Variants in COA1 observed in about 807,000 individuals in gnomAD.
COA1 encodes cytochrome c oxidase assembly factor 1, also known as cytochrome c oxidase assembly factor 1 homolog.
A neutral mutation model predicts 16.0 loss-of-function variants in COA1; 13 were observed. The ratio of observed to expected loss-of-function variants is 0.81; its 90% CI spans 0.53 to 1.29. COA1 has a LOEUF of 1.29. Among genes scored for constraint, COA1 ranks in the 50% most tolerant of loss-of-function variants. The pLI, the probability that COA1 is intolerant of heterozygous loss-of-function variation, is 0.00. For missense variants in COA1, 179 were observed against 177.0 expected, an observed-to-expected ratio of 1.01 and a Z score of -0.06; for synonymous variants, 65 against 65.7, an observed-to-expected ratio of 0.99 and a Z score of 0.05.
chr7:43,680,884 TG>T (rs1418512054), intron 1 of COA1, among the ~76,000 whole-genome samples: 1 of 152,070 alleles, frequency 6.6e-6, no homozygotes, highest in Non-Finnish European at 1.5e-5. Context: ...GATGGGAAGA[TG>T]GTTTAAGCCC....
chr7:43,729,049 T>C (rs899961377), intron 1 of COA1, among the ~76,000 whole-genome samples: 1 of 152,196 alleles, frequency 6.6e-6, no homozygotes, highest in African/African-American at 2.4e-5. Flanking sequence ...TTTCCTACAA[T>C]AATTTGGGCA....
chr7:43,615,148 G>A (rs1458799329), intron 6 of COA1, among the ~76,000 whole-genome samples: 2 of 152,084 alleles, frequency 1.3e-5, no homozygotes, highest in South Asian at 2.1e-4. Flanking sequence ...AAGACATTTT[G>A]TGGTTACTAT....
intron 1 of COA1, among the ~76,000 whole-genome samples, chr7:43,675,518 T>G (rs2093473671): frequency 1.3e-5 from 2 of 152,032 alleles, no homozygotes; most frequent in South Asian, 4.2e-4. Context: ...AGTTAATGGG[T>G]GCAGCACACC....
intron 1 of COA1, among the ~76,000 whole-genome samples, chr7:43,727,402 C>G (rs2095638488): frequency 6.6e-6 from 1 of 152,164 alleles, no homozygotes. Context: ...ATGATGTCCA[C>G]ACAAAAACTT....
intron 2 of COA1, 63 bp from the exon 3 acceptor site, chr7:43,647,697 C>T (rs2240516): frequency 0.58 from 760,200 of 1,307,274 alleles, 221,853 homozygotes; most frequent in Middle Eastern, 0.68. Flanking sequence ...GGGATTTGCC[C>T]GGCTTGGACC....
chr7:43,658,236 C>T (rs915240652), intron 1 of COA1, among the ~76,000 whole-genome samples: 1 of 151,586 alleles, frequency 6.6e-6, no homozygotes, highest in African/African-American at 2.4e-5. Flanking sequence ...ATTAGCCCAG[C>T]ATGGTGGCGG....
exon 7 of COA1, chr7:43,609,324 T>G (rs548699743): frequency 6.6e-6 from 1 of 152,378 alleles, no homozygotes; most frequent in South Asian, 2.1e-4. Flanking sequence ...CCAGCGTAGA[T>G]CAATTTGGAA....
intron 6 of COA1, chr7:43,625,552 T>TCATCA (rs2084414833): frequency 6.6e-6 from 1 of 152,354 alleles, no homozygotes; most frequent in South Asian, 2.1e-4. Flanking sequence ...GCTGCTTCCC[T>TCATCA]CATCACACCA....
At chr7:43,615,174 T>G (rs2083231527) in intron 6 of COA1, among the ~76,000 whole-genome samples, 1 of 152,090 alleles carries the variant, frequency 6.6e-6, no homozygotes, top group Non-Finnish European at 1.5e-5. Flanking sequence ...TTGTTTTGTT[T>G]TTTGTTTGTT....
chr7:43,644,604 G>A (rs1314846504), intron 4 of COA1, among the ~76,000 whole-genome samples: 1 of 151,664 alleles, frequency 6.6e-6, no homozygotes, highest in African/African-American at 2.4e-5. Context: ...ATAACTCATT[G>A]CAGCCTCCAA....
intron 4 of COA1, among the ~76,000 whole-genome samples, chr7:43,644,817 G>GAGAGAGAGAGAC (rs2088712765): frequency 1.3e-4 from 17 of 126,738 alleles, no homozygotes; most frequent in Admixed American, 2.3e-4. Context: ...GAGAGAGAGA[G>GAGAGAGAGAGAC]AGAGAGAGAG....
chr7:43,653,061 C>G (rs1376098243), intron 1 of COA1, among the ~76,000 whole-genome samples: 3 of 152,126 alleles, frequency 2.0e-5, no homozygotes, highest in African/African-American at 7.2e-5. Context: ...ACCTGTAATC[C>G]CAGCACTTTG....
chr7:43,649,241 G>C (rs1300164520), intron 1 of COA1: 1 of 152,388 alleles, frequency 6.6e-6, no homozygotes, highest in East Asian at 1.9e-4. Context: ...AGTAAACTGA[G>C]GCACAGAAAG....
At chr7:43,726,247 C>A (rs2095614639) in intron 1 of COA1, among the ~76,000 whole-genome samples, 1 of 152,158 alleles carries the variant, frequency 6.6e-6, no homozygotes, top group Non-Finnish European at 1.5e-5. Context: ...AGGGAGGCAA[C>A]AATGTCTGAA....
chr7:43,709,434 TTGTGTGTGTGTG>T (rs59823123), intron 1 of COA1, among the ~76,000 whole-genome samples: 91 of 144,990 alleles, frequency 6.3e-4, no homozygotes, highest in African/African-American at 1.7e-3. Context: ...CTTTGTTTTA[TTGTGTGTGTGTG>T]TGTGTGTGTG....
At chr7:43,655,864 TG>T (rs1563273139) in intron 1 of COA1, among the ~76,000 whole-genome samples, 1 of 152,164 alleles carries the variant, frequency 6.6e-6, no homozygotes, top group African/African-American at 2.4e-5. Flanking sequence ...CTGGCACTCT[TG>T]GGAAGCCTAA....
chr7:43,652,881 G>C (rs1735501275), intron 1 of COA1, among the ~76,000 whole-genome samples: 1 of 151,896 alleles, frequency 6.6e-6, no homozygotes, highest in Admixed American at 6.6e-5. Context: ...AGGGTGGGAG[G>C]GGGTGGGGGG....
chr7:43,629,267 A>C (rs1324497642), intron 6 of COA1, among the ~76,000 whole-genome samples: 1 of 152,208 alleles, frequency 6.6e-6, no homozygotes, highest in African/African-American at 2.4e-5. Context: ...CTTCTTCTGC[A>C]AACTGCTTTG....
chr7:43,627,504 C>T (rs112205833), intron 6 of COA1, among the ~76,000 whole-genome samples: 42 of 152,162 alleles, frequency 2.8e-4, no homozygotes, highest in African/African-American at 9.7e-4. Context: ...TGGACACCAA[C>T]ATACATGAAT....
Sources: gnomAD v4.1 joint callset for allele counts (sites outside exome capture counted in the v4.1 genomes callset) on GRCh38, gnomAD v4.1.1 for gene constraint, MANE v1.5 for transcripts, NCBI Gene and HGNC (gene_info 2026-07-23, HGNC 2026-07-21) for gene names.